PDE7B: variants seen among roughly 807,000 people sequenced by gnomAD.
PDE7B encodes the protein phosphodiesterase 7B, also known as 3',5'-cyclic-AMP phosphodiesterase 7B.
In PDE7B, 29 loss-of-function variants were observed where a neutral mutation model predicts 56.2. The observed-to-expected ratio is 0.52, with a 90% CI of 0.38 to 0.70. The LOEUF is 0.70. Among genes scored for constraint, PDE7B ranks in the 30% least tolerant of loss-of-function variants. The pLI is 0.00. For synonymous variants in PDE7B, 197 were observed against 196.9 expected (o/e 1.00, Z 0.00); for missense variants, 490 against 565.0 (o/e 0.87, Z 1.35).
chr6:135,920,642 C>G (rs909720177), intron 1 of PDE7B, among the ~76,000 whole-genome samples: 1 of 152,328 alleles, frequency 6.6e-6, no homozygotes, highest in East Asian at 1.9e-4. Flanking sequence ...GTAATTACAT[C>G]AAGTTATCAA....
chr6:136,057,245 A>G (rs1276431225), intron 2 of PDE7B, among the ~76,000 whole-genome samples: 1 of 152,220 alleles, frequency 6.6e-6, no homozygotes, highest in Non-Finnish European at 1.5e-5. Flanking sequence ...ATCCTTGAAG[A>G]TCAGGAAGCA....
intron 2 of PDE7B, among the ~76,000 whole-genome samples, chr6:136,012,920 CA>C (rs1562469370): frequency 6.6e-6 from 1 of 152,080 alleles, no homozygotes; most frequent in Non-Finnish European, 1.5e-5. Context: ...CTGTGGAGAG[CA>C]GAATTAGCCC....
At chr6:135,903,684 T>C (rs1776045913) in intron 1 of PDE7B, among the ~76,000 whole-genome samples, 1 of 152,164 alleles carries the variant, frequency 6.6e-6, no homozygotes, top group Non-Finnish European at 1.5e-5. Flanking sequence ...AGCACACACA[T>C]TAGAATTAAA....
intron 12 of PDE7B, among the ~76,000 whole-genome samples, chr6:136,189,870 C>A (rs1442115232): frequency 6.6e-6 from 1 of 152,170 alleles, no homozygotes; most frequent in Non-Finnish European, 1.5e-5. Context: ...ATTTGAAAAA[C>A]TGCCTCTTGG....
intron 1 of PDE7B, among the ~76,000 whole-genome samples, chr6:135,874,692 T>C (rs1775457547): frequency 6.6e-6 from 1 of 152,226 alleles, no homozygotes; most frequent in Non-Finnish European, 1.5e-5. Flanking sequence ...GAACATATTT[T>C]CTGTAATTGT....
intron 1 of PDE7B, among the ~76,000 whole-genome samples, chr6:135,934,840 T>TAAAA (rs1774373539): frequency 8.6e-6 from 1 of 116,680 alleles, no homozygotes; most frequent in African/African-American, 3.4e-5. Context: ...TAAATATATA[T>TAAAA]ATTTATTTAA....
intron 2 of PDE7B, among the ~76,000 whole-genome samples, chr6:135,953,723 T>C (rs144650098): frequency 6.6e-6 from 1 of 152,184 alleles, no homozygotes; most frequent in East Asian, 1.9e-4. Context: ...TGAATAGATA[T>C]TTTCAAGTGC....
chr6:136,185,990 G>C (rs569612453), intron 11 of PDE7B, among the ~76,000 whole-genome samples: 8 of 151,864 alleles, frequency 5.3e-5, no homozygotes, highest in Admixed American at 2.0e-4. Flanking sequence ...ATAAAGTTTT[G>C]TACAATACAT....
Position 136,192,706 on chromosome 6 carries a change from T to C in PDE7B, c.*866T>C, listed in dbSNP as rs1160243986. The C allele has an allele frequency of 1.3e-5, 2 of 152,622 alleles. No homozygotes were observed. Among genetic ancestry groups the C allele is most frequent in the African/African-American group, 4.8e-5 (2 of 41,422 alleles). The allele number at this position is 152,622 out of a possible 1,614,324, so 9.5% of individuals were successfully genotyped here. On this transcript the variant is annotated 3_prime_UTR_variant, in exon 13 of 13. Coordinates refer to ENST00000308191, the MANE Select transcript of PDE7B (RefSeq NM_018945.4). ...ATGGGATTGCTACCTGTATAAACAA[T>C]GGCACTGTGAAAATACTGTTAGTTT... is the stretch of plus-strand genomic sequence containing the variant.
At chr6:135,925,615 A>G (rs933680663) in intron 1 of PDE7B, among the ~76,000 whole-genome samples, 1 of 152,202 alleles carries the variant, frequency 6.6e-6, no homozygotes, top group Admixed American at 6.5e-5. Flanking sequence ...GCATGAAAAA[A>G]AAATTCTGAA....
At position 136,130,105 on chromosome 6, in the gene PDE7B, C is replaced by T. The variant is rs1043190067; in HGVS notation, c.167-17246C>T. On this transcript the variant is annotated intron_variant, in intron 3 of 12. Transcript: ENST00000308191. ...GTAAGAATAAAAACATTTTTCTGAC[C>T]GACCACTCCATCCCTGCCATGATGC... is the stretch of plus-strand genomic sequence containing the variant. Among the ~76,000 whole-genome samples the T allele has an allele frequency of 3.9e-5, 6 of 152,102 alleles. 1 individual carries two copies. The highest frequency in any genetic ancestry group is 1.3e-4 in the Admixed American group (2 of 15,282).
intron 1 of PDE7B, among the ~76,000 whole-genome samples, chr6:135,884,334 C>A (rs1002556106): frequency 5.9e-5 from 9 of 152,140 alleles, no homozygotes; most frequent in Admixed American, 4.6e-4. Context: ...GCGCAATCAG[C>A]TAGTGTGCAG....
chr6:135,999,884 T>G (rs1375404424), intron 2 of PDE7B, among the ~76,000 whole-genome samples: 1 of 152,120 alleles, frequency 6.6e-6, no homozygotes, highest in Non-Finnish European at 1.5e-5. Flanking sequence ...CCACCAACAG[T>G]GTATAAGTGT....
chr6:136,142,856 A>AG (rs36196612), intron 3 of PDE7B, among the ~76,000 whole-genome samples: 70,594 of 151,574 alleles, frequency 0.47, 17,165 homozygotes, highest in African/African-American at 0.62. Context: ...TCTGCACATG[A>AG]ATGGGTTTCC....
chr6:136,132,466 T>A (rs1778134699), intron 3 of PDE7B, among the ~76,000 whole-genome samples: 1 of 152,170 alleles, frequency 6.6e-6, no homozygotes, highest in Non-Finnish European at 1.5e-5. Flanking sequence ...CCCTGCTCTG[T>A]TACTTATCCA....
In PDE7B at chr6:135,928,617, C is replaced by T. The variant is rs916530210; in HGVS notation, c.22-18847C>T. ...CATACATATACACCATGGAATACTA[C>T]TTAGCCATAAAAAGGGGCAAAATCA... On this transcript the variant is annotated intron_variant, in intron 1 of 12. Coordinates refer to ENST00000308191, the MANE Select transcript of PDE7B (RefSeq NM_018945.4). Among the ~76,000 whole-genome samples the T allele has an allele frequency of 6.5e-4, 96 of 148,770 alleles. 1 individual carries two copies. The highest frequency in any genetic ancestry group is 2.3e-3 in the African/African-American group (94 of 40,680).
chr6:135,980,109 C>T lies in PDE7B; in HGVS notation c.82+32585C>T, dbSNP rs1438369551. Among the ~76,000 whole-genome samples, 75 of 152,168 alleles carry T rather than the reference C, an allele frequency of 4.9e-4. No homozygotes were observed. In the South Asian group the frequency reaches 0.015, roughly 30 times the overall value. On this transcript the variant is annotated intron_variant, in intron 2 of 12. Transcript: ENST00000308191. ...AAAACAGAGATATAGATCAATGGAA[C>T]AGAACAGAGCCCTCAGAAATAACGC...
chr6:135,962,454 A>G (rs1774919141), intron 2 of PDE7B, among the ~76,000 whole-genome samples: 1 of 152,196 alleles, frequency 6.6e-6, no homozygotes, highest in Non-Finnish European at 1.5e-5. Flanking sequence ...CGTTTTTGCT[A>G]CCAGGTGGTA....
intron 2 of PDE7B, among the ~76,000 whole-genome samples, chr6:136,010,765 G>A (rs1263100329): frequency 6.6e-6 from 1 of 152,022 alleles, no homozygotes; most frequent in East Asian, 1.9e-4. Context: ...AGATTTGGGT[G>A]GGAACACAGA....
Sources: gnomAD v4.1 joint callset for allele counts (sites outside exome capture counted in the v4.1 genomes callset) on GRCh38, gnomAD v4.1.1 for gene constraint, MANE v1.5 for transcripts, NCBI Gene and HGNC (gene_info 2026-07-23, HGNC 2026-07-21) for gene names.